RGS20: variants seen among roughly 807,000 people sequenced by gnomAD.
RGS20 encodes gz-selective GTPase-activating protein.
In RGS20, 30 loss-of-function variants were observed where a neutral mutation model predicts 33.6. The ratio of observed to expected loss-of-function variants is 0.89; its 90% CI spans 0.67 to 1.21. The LOEUF (loss-of-function observed/expected upper bound fraction) is 1.21. Among genes scored for constraint, RGS20 ranks in the 50% most tolerant of loss-of-function variants. The probability of loss-of-function intolerance (pLI) is 0.00; values close to 1 mark genes in which losing one functional copy is unlikely to be tolerated. For missense variants in RGS20, 472 were observed against 502.4 expected, an observed-to-expected ratio of 0.94 and a Z score of 0.58; for synonymous variants, 208 against 197.9, an observed-to-expected ratio of 1.05 and a Z score of -0.43.
chr8:53,855,363 C>G (rs527582344), intron 1 of RGS20, among the ~76,000 whole-genome samples: 2 of 152,182 alleles, frequency 1.3e-5, no homozygotes, highest in East Asian at 3.9e-4. Context: ...CCATGCCCAG[C>G]CTATATAAGC....
intron 2 of RGS20, among the ~76,000 whole-genome samples, chr8:53,923,283 C>T (rs1214045347): frequency 2.0e-5 from 3 of 152,048 alleles, no homozygotes; most frequent in Non-Finnish European, 4.4e-5. Context: ...CAGAAATATA[C>T]GTATAGAGTT....
At chr8:53,865,363 C>A (rs748432996) in intron 1 of RGS20, among the ~76,000 whole-genome samples, 1 of 152,188 alleles carries the variant, frequency 6.6e-6, no homozygotes, top group South Asian at 2.1e-4. Context: ...CACAGTTTCT[C>A]GCCTCTGTAA....
intron 1 of RGS20, among the ~76,000 whole-genome samples, chr8:53,860,091 G>A (rs1811778231): frequency 6.6e-6 from 1 of 152,110 alleles, no homozygotes; most frequent in Non-Finnish European, 1.5e-5. Context: ...TCACTTAAGA[G>A]TTTATTTTAG....
At chr8:53,863,357 CT>C (rs1026256440) in intron 1 of RGS20, among the ~76,000 whole-genome samples, 6 of 152,170 alleles carry the variant, frequency 3.9e-5, no homozygotes, top group Admixed American at 2.6e-4. Flanking sequence ...GAATACAGCC[CT>C]CCACCTCACT....
intron 2 of RGS20, among the ~76,000 whole-genome samples, chr8:53,916,028 C>T (rs1390173507): frequency 6.6e-6 from 1 of 151,668 alleles, no homozygotes; most frequent in South Asian, 2.1e-4. Context: ...GAGAGATCAG[C>T]AAATATTCAT....
chr8:53,945,334 C>A (rs1299637858), intron 3 of RGS20: 1 of 152,164 alleles, frequency 6.6e-6, no homozygotes, highest in Non-Finnish European at 1.5e-5. Flanking sequence ...AAACATTACG[C>A]CAAGTGAAAG....
chr8:53,946,817 T>C, intron 4 of RGS20, 69 bp downstream of exon 3: 1 of 1,334,934 alleles, frequency 7.5e-7, no homozygotes, highest in African/African-American at 1.5e-5. Flanking sequence ...TTCTTTGCCT[T>C]GTATGTTTCA....
chr8:53,916,007 C>G (rs987000421), intron 2 of RGS20, among the ~76,000 whole-genome samples: 8 of 151,458 alleles, frequency 5.3e-5, no homozygotes, highest in African/African-American at 1.9e-4. Flanking sequence ...ATTTTCTTTG[C>G]AAGAGTCTGT....
At chr8:53,886,110 C>A (rs1268080042) in intron 2 of RGS20, among the ~76,000 whole-genome samples, 2 of 152,186 alleles carry the variant, frequency 1.3e-5, no homozygotes, top group Non-Finnish European at 2.9e-5. Flanking sequence ...CAGTCAGCAA[C>A]TAATAGGGCT....
In RGS20 at chr8:53,918,398, C is replaced by CTTTTTTTTT. The variant is rs370307599; in HGVS notation, c.511-21171_511-21170insTTTTTTTTT. Among the ~76,000 whole-genome samples, 291 of 149,546 alleles carry CTTTTTTTTT rather than the reference C, an allele frequency of 1.9e-3. 4 individuals are homozygous for CTTTTTTTTT. Among genetic ancestry groups the CTTTTTTTTT allele is most frequent in the African/African-American group, 6.0e-3 (236 of 39,572 alleles). On this transcript the variant is annotated intron_variant, in intron 2 of 5. Coordinates refer to ENST00000297313, the MANE Select transcript of RGS20 (RefSeq NM_170587.4). ...ATATTTTCTTTTTTTTTCTTTCTTCCTTTTTTTGAGACGGAGCTTTGCTCT... is the reference window on the plus strand; with the variant it reads ...ATATTTTCTTTTTTTTTCTTTCTTCCTTTTTTTTTTTTTTTTGAGACGGAGCTTTGCTCT...
At chr8:53,935,643 C>G (rs967133670) in intron 2 of RGS20, among the ~76,000 whole-genome samples, 50 of 152,100 alleles carry the variant, frequency 3.3e-4, no homozygotes, top group Non-Finnish European at 3.2e-4. Context: ...AGGCCCAGGA[C>G]CAGACAGATT....
chr8:53,865,848 T>C (rs917689434), intron 1 of RGS20, among the ~76,000 whole-genome samples: 1 of 152,202 alleles, frequency 6.6e-6, no homozygotes, highest in Non-Finnish European at 1.5e-5. Context: ...CCTCAAGTGA[T>C]CTACCTGCCT....
chr8:53,865,023 G>C (rs2129269212), intron 1 of RGS20, among the ~76,000 whole-genome samples: 1 of 152,340 alleles, frequency 6.6e-6, no homozygotes, highest in South Asian at 2.1e-4. Flanking sequence ...CCAGAGGAGG[G>C]AGAAAGCCTT....
chr8:53,908,900 AT>A (rs1370414369), intron 2 of RGS20, among the ~76,000 whole-genome samples: 1 of 152,094 alleles, frequency 6.6e-6, no homozygotes, highest in Non-Finnish European at 1.5e-5. Context: ...CATGTAAATA[AT>A]TTTTGTGAAC....
chr8:53,932,635 G>T (rs1442593045), intron 2 of RGS20, among the ~76,000 whole-genome samples: 1 of 152,226 alleles, frequency 6.6e-6, no homozygotes, highest in African/African-American at 2.4e-5. Context: ...CCAGTCAGGG[G>T]CTTATAGATA....
chr8:53,879,144 C>A (rs1269008939), intron 1 of RGS20: 2 of 812,412 alleles, frequency 2.5e-6, no homozygotes, highest in Admixed American at 2.2e-5. Context: ...TTTCACCGAC[C>A]TTCTCTTGCA....
intron 2 of RGS20, among the ~76,000 whole-genome samples, chr8:53,903,706 A>C (rs1813092389): frequency 6.6e-6 from 1 of 152,130 alleles, no homozygotes; most frequent in Non-Finnish European, 1.5e-5. Flanking sequence ...TTCCCAAGAA[A>C]AGCACACTCA....
chr8:53,924,435 C>A (rs1451944865), intron 2 of RGS20, among the ~76,000 whole-genome samples: 1 of 151,838 alleles, frequency 6.6e-6, no homozygotes, highest in Non-Finnish European at 1.5e-5. Context: ...TGATCTACCC[C>A]CCTTGGCCTC....
chr8:53,866,321 A>G (rs978988065), intron 1 of RGS20, among the ~76,000 whole-genome samples: 6 of 152,308 alleles, frequency 3.9e-5, no homozygotes, highest in African/African-American at 1.4e-4. Context: ...CTTGAACTTC[A>G]TCCTGCAGAG....
Sources: allele counts gnomAD v4.1 joint callset (sites outside exome capture counted in the v4.1 genomes callset), GRCh38; gene constraint gnomAD v4.1.1; transcripts MANE v1.5; gene names NCBI Gene and HGNC (gene_info 2026-07-23, HGNC 2026-07-21).